The following HACD3 variants were observed in gnomAD, a reference collection of about 807,000 sequenced individuals.
HACD3 encodes the protein very-long-chain (3R)-3-hydroxyacyl-CoA dehydratase 3.
HACD3 carries 30 observed loss-of-function variants against 55.2 expected under a neutral mutation model. The observed-to-expected ratio is 0.54, with a 90% confidence interval of 0.41 to 0.74. The LOEUF (loss-of-function observed/expected upper bound fraction) is 0.74. HACD3 is among the 30% of genes least tolerant of loss of function. HACD3 has a pLI of 0.00. For missense variants in HACD3, 363 were observed against 440.1 expected, an observed-to-expected ratio of 0.82 and a Z score of 1.57; for synonymous variants, 141 against 151.7, an observed-to-expected ratio of 0.93 and a Z score of 0.52.
intron 2 of HACD3, 67 bp from the exon 3 acceptor site, chr15:65,554,820 C>A: frequency 8.7e-7 from 1 of 1,145,538 alleles, no homozygotes; most frequent in Non-Finnish European, 1.3e-6. Flanking sequence ...AAGAACTGCA[C>A]CAAGCTGGCT....
intron 1 of HACD3, among the ~76,000 whole-genome samples, chr15:65,533,492 G>A (rs1468619510): frequency 6.6e-6 from 1 of 152,186 alleles, no homozygotes; most frequent in Admixed American, 6.5e-5. Flanking sequence ...TAGCCACTAT[G>A]TATTTGTCTG....
At chr15:65,561,542 C>T (rs1036505767) in intron 5 of HACD3, among the ~76,000 whole-genome samples, 1 of 152,110 alleles carries the variant, frequency 6.6e-6, no homozygotes, top group African/African-American at 2.4e-5. Context: ...CTTCAGATGG[C>T]CACTCATTTT....
intron 8 of HACD3, 141 bp downstream of exon 8, chr15:65,570,344 A>G (rs1246943111): frequency 1.5e-5 from 9 of 613,580 alleles, no homozygotes; most frequent in Non-Finnish European, 2.2e-5. Flanking sequence ...GGTTGCACCT[A>G]TGTGCTCTGC....
chr15:65,561,899 T>C (rs1166983413), intron 5 of HACD3, among the ~76,000 whole-genome samples: 1 of 152,210 alleles, frequency 6.6e-6, no homozygotes, highest in Non-Finnish European at 1.5e-5. Flanking sequence ...GTTTGATTGA[T>C]TTGCTAGCGT....
rs2072298070 is a variant in HACD3, at chr15:65,566,923, C to T, written c.660+2581C>T. 1.3e-5 allele frequency: 2 copies of T among 152,178 alleles called. 1 individual carries two copies. Among genetic ancestry groups the T allele is most frequent in the Admixed American group, 1.3e-4 (2 of 15,274 alleles). 9.4% of individuals were successfully genotyped at this position (152,178 alleles called of 1,614,324 possible). ...TCTTAGGCAGGAGCTGAAAAACCTA[C>T]CTTCAGTCTCCTTAGTTAGAAATGT... On this transcript the variant is annotated intron_variant, in intron 7 of 10. Coordinates refer to ENST00000261875, the MANE Select transcript of HACD3 (RefSeq NM_016395.4).
At chr15:65,541,714 C>T (rs892430687) in intron 1 of HACD3, among the ~76,000 whole-genome samples, 15 of 152,070 alleles carry the variant, frequency 9.9e-5, no homozygotes, top group Admixed American at 2.0e-4. Flanking sequence ...TCATAGTAAC[C>T]TCAAGTTGGT....
chr15:65,575,677 GGATA>G (rs1192519924), intron 10 of HACD3, among the ~76,000 whole-genome samples: 1 of 152,112 alleles, frequency 6.6e-6, no homozygotes, highest in Middle Eastern at 3.2e-3. Context: ...ATGGCTGGAG[GGATA>G]GATGAATAGG....
At chr15:65,573,212 C>G (rs59084855) in intron 10 of HACD3, among the ~76,000 whole-genome samples, 1 of 151,988 alleles carries the variant, frequency 6.6e-6, no homozygotes. Context: ...CCTTTATAAA[C>G]TAACAGAAGG....
At chr15:65,539,859 G>A (rs2072002882) in intron 1 of HACD3, among the ~76,000 whole-genome samples, 1 of 152,138 alleles carries the variant, frequency 6.6e-6, no homozygotes, top group South Asian at 2.1e-4. Context: ...GAATGATATA[G>A]GCAGTATGAA....
At chr15:65,530,912 C>T (rs1053698992) in intron 1 of HACD3, 194 bp downstream of exon 1, 4 of 559,878 alleles carry the variant, frequency 7.1e-6, no homozygotes, top group South Asian at 6.8e-5. Flanking sequence ...GGCACAACCC[C>T]CCGAGGGCTG....
chr15:65,532,287 A>G (rs1188294997), intron 1 of HACD3, among the ~76,000 whole-genome samples: 1 of 152,080 alleles, frequency 6.6e-6, no homozygotes, highest in East Asian at 1.9e-4. Context: ...GTAGATGGGG[A>G]TCAAAGTCCC....
At chr15:65,532,202 T>G (rs1330043826) in intron 1 of HACD3, among the ~76,000 whole-genome samples, 1 of 152,094 alleles carries the variant, frequency 6.6e-6, no homozygotes, top group Non-Finnish European at 1.5e-5. Flanking sequence ...AGAGTATGAG[T>G]AAATGTTCTG....
intron 7 of HACD3, chr15:65,565,973 T>C (rs1218162083): frequency 6.6e-6 from 1 of 152,286 alleles, no homozygotes; most frequent in Non-Finnish European, 1.5e-5. Flanking sequence ...CCCTAAATCA[T>C]CTCTCTCAAG....
chr15:65,552,804 C>G (rs1293869579), intron 2 of HACD3, among the ~76,000 whole-genome samples: 1 of 151,360 alleles, frequency 6.6e-6, no homozygotes, highest in East Asian at 1.9e-4. Flanking sequence ...AACTCGTCAT[C>G]TAGCATTAGG....
intron 2 of HACD3, among the ~76,000 whole-genome samples, chr15:65,553,808 C>T (rs2072159751): frequency 6.6e-6 from 1 of 152,058 alleles, no homozygotes; most frequent in South Asian, 2.1e-4. Flanking sequence ...AAGAGAGTCC[C>T]AGAAGGGAAC....
intron 5 of HACD3, among the ~76,000 whole-genome samples, chr15:65,560,856 G>A (rs981308572): frequency 4.7e-5 from 7 of 150,056 alleles, no homozygotes; most frequent in Non-Finnish European, 7.4e-5. Flanking sequence ...ATGTAGACTA[G>A]CTTGATGCCT....
intron 1 of HACD3, among the ~76,000 whole-genome samples, chr15:65,536,600 T>C (rs2071957683): frequency 6.6e-6 from 1 of 151,956 alleles, no homozygotes; most frequent in Non-Finnish European, 1.5e-5. Context: ...ACTAAAAATA[T>C]ACAAAAATTA....
chr15:65,544,027 A>T, intron 1 of HACD3, among the ~76,000 whole-genome samples: 1 of 152,012 alleles, frequency 6.6e-6, no homozygotes, highest in East Asian at 1.9e-4. Flanking sequence ...ATACAAAAAA[A>T]TTACCCGGGC....
intron 5 of HACD3, among the ~76,000 whole-genome samples, chr15:65,562,277 A>G (rs1305775975): frequency 6.6e-6 from 1 of 152,190 alleles, no homozygotes; most frequent in Non-Finnish European, 1.5e-5. Flanking sequence ...CCCTCTCTGG[A>G]ATGAGGGTCT....
Sources: gnomAD v4.1 joint callset for allele counts (sites outside exome capture counted in the v4.1 genomes callset) on GRCh38, gnomAD v4.1.1 for gene constraint, MANE v1.5 for transcripts, NCBI Gene and HGNC (gene_info 2026-07-23, HGNC 2026-07-21) for gene names.